CLTCL1: variants seen among roughly 807,000 people sequenced by gnomAD.
CLTCL1 encodes clathrin heavy chain 2.
In CLTCL1, 159 loss-of-function variants were observed where a neutral mutation model predicts 190.0. That is an observed-to-expected ratio of 0.84 (90% CI 0.74 to 0.95). CLTCL1 has a LOEUF of 0.95. Among genes scored for constraint, CLTCL1 ranks in the 40% least tolerant of loss-of-function variants. The pLI is 0.00. For synonymous variants in CLTCL1, 752 were observed against 769.6 expected (o/e 0.98, Z 0.38); for missense variants, 1,878 against 2,033.4 (o/e 0.92, Z 1.47).
At chr22:19,249,780 T>G (rs1389199874) in intron 3 of CLTCL1, 7 of 231,938 alleles carry the variant, frequency 3.0e-5, no homozygotes, top group Non-Finnish European at 4.6e-5. Context: ...TTGATAATTT[T>G]TATTTGGTTT....
At chr22:19,206,533 G>A (rs1203130182) in intron 22 of CLTCL1, among the ~76,000 whole-genome samples, 1 of 151,892 alleles carries the variant, frequency 6.6e-6, no homozygotes, top group Non-Finnish European at 1.5e-5. Flanking sequence ...GTGAGCCACC[G>A]TGCCCAGCCC....
chr22:19,240,800 G>A (rs1363423347), intron 4 of CLTCL1, among the ~76,000 whole-genome samples: 2 of 152,228 alleles, frequency 1.3e-5, no homozygotes, highest in South Asian at 4.1e-4. Flanking sequence ...ACTGCTATGG[G>A]TTCTTGCTCG....
At chr22:19,242,532 G>C (rs1456815549) in intron 4 of CLTCL1, among the ~76,000 whole-genome samples, 1 of 151,968 alleles carries the variant, frequency 6.6e-6, no homozygotes, top group African/African-American at 2.4e-5. Flanking sequence ...CTGACCTCGT[G>C]ATCCACCCTC....
chr22:19,260,409 G>A (rs761541586), intron 2 of CLTCL1, among the ~76,000 whole-genome samples: 2 of 148,576 alleles, frequency 1.3e-5, no homozygotes, highest in African/African-American at 2.6e-5. Flanking sequence ...CTTGTTAGGG[G>A]ATAATGCAGC....
At chr22:19,234,767 C>T (rs2086026744) in intron 6 of CLTCL1, 61 bp from the exon 7 acceptor site, 1 of 1,407,540 alleles carries the variant, frequency 7.1e-7, no homozygotes, top group East Asian at 2.3e-5. Context: ...CATCCCTCTG[C>T]CATGTTCCCT....
intron 1 of CLTCL1, among the ~76,000 whole-genome samples, chr22:19,277,853 C>T (rs1203617752): frequency 2.0e-5 from 3 of 152,110 alleles, no homozygotes; most frequent in African/African-American, 7.2e-5. Context: ...GGGCTCAGTC[C>T]CATAAGACTG....
At chr22:19,253,217 C>CT (rs2086651448) in intron 3 of CLTCL1, among the ~76,000 whole-genome samples, 1 of 152,054 alleles carries the variant, frequency 6.6e-6, no homozygotes, top group Admixed American at 6.6e-5. Flanking sequence ...GATGCTGGGA[C>CT]TTTGATACAA....
At chr22:19,284,991 A>C (rs2087852506) in intron 1 of CLTCL1, among the ~76,000 whole-genome samples, 1 of 150,792 alleles carries the variant, frequency 6.6e-6, no homozygotes, top group East Asian at 2.0e-4. Context: ...TATATTTGAA[A>C]CACGCTGGGC....
In CLTCL1 at chr22:19,275,644, A is replaced by C; in HGVS notation, c.229T>G (p.Ser77Ala). 6.2e-7 allele frequency: 1 copy of C among 1,605,384 alleles called. No homozygotes were observed. The highest frequency in any genetic ancestry group is 8.5e-7 in the Non-Finnish European group (1 of 1,175,714). ...TTACCTTTCAGAGCTATCACCTTAG[A>C]GGCTGGATTCATGATGGCACTCTCT... ...SAESAIMNPASKVIALKAGKT... is the reference protein window; with the variant it reads ...SAESAIMNPAAKVIALKAGKT... The change falls in exon 2 of 33, where the codon TCT becomes GCT. Residue 77 changes from serine to alanine, a missense_variant. Transcript: ENST00000427926.
At position 19,234,558 on chromosome 22, in the gene CLTCL1, G is replaced by A. The variant is rs782416393; in HGVS notation, c.1118C>T (p.Ala373Val). ...GGCGGCTTCAGCATAGCTGCCCTGT[G>A]CAAAGAGGGTATTGAATTTTCTCAC... The part of the protein sequence containing the change: ...LFVRKFNTLF[A>V]QGSYAEAAKV... Residue 373 changes from alanine to valine, a missense_variant, in exon 7 of 33, where the codon GCA becomes GTA. Transcript: ENST00000427926. 2 of 1,613,980 alleles carry A rather than the reference G, an allele frequency of 1.2e-6. No individual in the cohort carries two copies. The highest frequency in any genetic ancestry group is 1.7e-6 in the Non-Finnish European group (2 of 1,179,878).
chr22:19,213,712 A>G (rs1466890289), intron 19 of CLTCL1, among the ~76,000 whole-genome samples: 4 of 152,164 alleles, frequency 2.6e-5, no homozygotes, highest in Admixed American at 1.3e-4. Flanking sequence ...CTCCATTTGC[A>G]TGACATTCTT....
At position 19,210,501 on chromosome 22, in the gene CLTCL1, T is replaced by C; in HGVS notation, c.3074A>G (p.Gln1025Arg). 6.2e-7 allele frequency: 1 copy of C among 1,613,354 alleles called. No individual in the cohort carries two copies. Among genetic ancestry groups the C allele is most frequent in the South Asian group, 1.1e-5 (1 of 91,028 alleles). Residue 1025 changes from glutamine (Q) to arginine (R), a missense_variant, in exon 20 of 33, where the codon CAG becomes CGG. Physicochemically the swap from Gln to Arg is conservative, Grantham distance 43. Transcript: ENST00000427926. ...NSVFSEHRNL[Q>R]NLLILTAIKA... ...GATGGCAGTCAGGATCAACAGATTC[T>C]GTAGATTCCTGAGGAGAGAGGGTGG...
Position 19,183,657 on chromosome 22 carries a change from C to T in CLTCL1, c.4606-46G>A, listed in dbSNP as rs145841081. 8,969 of 1,581,368 alleles carry T rather than the reference C, an allele frequency of 5.7e-3. 35 individuals are homozygous for T. The highest frequency in any genetic ancestry group is 0.011 in the South Asian group (976 of 89,836). On this transcript the variant is annotated intron_variant, in intron 29 of 32. Transcript: ENST00000427926. ...TGCTTGGGCATCCTGCAGGCAGAGGCTTTGTGCCTGCAGCAGCTGGGCCGG... is the reference window on the plus strand; with the variant it reads ...TGCTTGGGCATCCTGCAGGCAGAGGTTTTGTGCCTGCAGCAGCTGGGCCGG...
At chr22:19,187,480 G>C in intron 29 of CLTCL1, 78 bp downstream of exon 29, 1 of 1,459,344 alleles carries the variant, frequency 6.9e-7, no homozygotes, top group Non-Finnish European at 9.4e-7. Flanking sequence ...GAACAAGAGG[G>C]AAGGGATGTG....
intron 20 of CLTCL1, 47 bp from the exon 21 acceptor site, chr22:19,209,161 T>A: frequency 1.4e-6 from 2 of 1,481,338 alleles, no homozygotes; most frequent in South Asian, 1.3e-5. Context: ...TCTAGTCAGC[T>A]CCAAAAAACA....
At chr22:19,268,727 G>T (rs2087203153) in intron 2 of CLTCL1, among the ~76,000 whole-genome samples, 2 of 152,148 alleles carry the variant, frequency 1.3e-5, no homozygotes, top group South Asian at 4.2e-4. Flanking sequence ...TGGAGAAACT[G>T]GCATCCTCAT....
At position 19,217,650 on chromosome 22, in the gene CLTCL1, C is replaced by G. The variant is rs191369548; in HGVS notation, c.2920-1394G>C. Among the ~76,000 whole-genome samples, 292 of 133,654 alleles carry G rather than the reference C, an allele frequency of 2.2e-3. 9 individuals are homozygous for G. In the East Asian group the frequency reaches 0.058, roughly 27 times the overall value. 87.7% of individuals were successfully genotyped at this position (133,654 alleles called of 152,430 possible). On this transcript the variant is annotated intron_variant, in intron 18 of 32. Coordinates refer to ENST00000427926, the MANE Select transcript of CLTCL1 (RefSeq NM_007098.4). ...AAAAAAAAAAAAAAAGAGTTCGAGA[C>G]CAGCCTGGCTAACATAGTGAAACCC...
At chr22:19,224,265 G>A (rs1555954477) in intron 13 of CLTCL1, among the ~76,000 whole-genome samples, 1 of 152,170 alleles carries the variant, frequency 6.6e-6, no homozygotes, top group African/African-American at 2.4e-5. Flanking sequence ...TACCTGGCAT[G>A]TTTTGATGTA....
intron 21 of CLTCL1, 69 bp downstream of exon 21, chr22:19,208,853 C>T: frequency 7.7e-7 from 1 of 1,294,660 alleles, no homozygotes; most frequent in Non-Finnish European, 1.1e-6. Flanking sequence ...AGAATCTCTT[C>T]AACTTCTTGC....
Sources: gnomAD v4.1 joint callset for allele counts (sites outside exome capture counted in the v4.1 genomes callset) on GRCh38, gnomAD v4.1.1 for gene constraint, MANE v1.5 for transcripts, NCBI Gene and HGNC (gene_info 2026-07-23, HGNC 2026-07-21) for gene names.